RERE: variants seen among roughly 807,000 people sequenced by gnomAD.
RERE encodes the protein arginine-glutamic acid dipeptide repeats.
In RERE, 40 loss-of-function variants were observed where a neutral mutation model predicts 146.1. The observed-to-expected ratio is 0.27, with a 90% CI of 0.21 to 0.36. RERE has a LOEUF of 0.36. RERE is among the 10% of genes least tolerant of loss of function. The pLI is 1.00. For missense variants in RERE, 1,933 were observed against 2,138.7 expected (o/e 0.90, Z 1.90); for synonymous variants, 1,003 against 866.0 (o/e 1.16, Z -2.78).
intron 11 of RERE, among the ~76,000 whole-genome samples, chr1:8,459,363 A>G (rs918322337): frequency 6.6e-6 from 1 of 152,188 alleles, no homozygotes; most frequent in African/African-American, 2.4e-5. Context: ...ATACAAATTT[A>G]GTTCTTCATA....
At chr1:8,665,549 A>T (rs759727662) in intron 1 of RERE, among the ~76,000 whole-genome samples, 1 of 152,240 alleles carries the variant, frequency 6.6e-6, no homozygotes, top group Non-Finnish European at 1.5e-5. Context: ...TTGGTTCATA[A>T]ACCATGAGTA....
intron 1 of RERE, among the ~76,000 whole-genome samples, chr1:8,721,625 A>C (rs1639865491): frequency 6.6e-6 from 1 of 152,110 alleles, no homozygotes; most frequent in Admixed American, 6.6e-5. Context: ...GAGATTCTTA[A>C]AACCTCTTCT....
At chr1:8,421,591 C>T (rs1643910612) in intron 12 of RERE, among the ~76,000 whole-genome samples, 1 of 152,088 alleles carries the variant, frequency 6.6e-6, no homozygotes, top group African/African-American at 2.4e-5. Flanking sequence ...CTTGAAATCA[C>T]AAAACCCTTC....
In RERE at chr1:8,493,928, C is replaced by A. The variant is rs115501909; in HGVS notation, c.1104+1135G>T. Reference sequence around the variant, plus strand: ...GATAGAGAGGAATTATTTCATGTAACTTTAAAATACATTAATATTCCTATA... The same window carrying A: ...GATAGAGAGGAATTATTTCATGTAAATTTAAAATACATTAATATTCCTATA... On this transcript the variant is annotated intron_variant, in intron 10 of 22. Coordinates refer to ENST00000400908, the MANE Select transcript of RERE (RefSeq NM_001042681.2). Among the ~76,000 whole-genome samples the A allele has an allele frequency of 4.9e-3, 741 of 152,214 alleles. 7 individuals carry two copies. The highest frequency in any genetic ancestry group is 0.017 in the African/African-American group (708 of 41,536).
chr1:8,564,826 A>ATATGTATG (rs1384858524), intron 4 of RERE, among the ~76,000 whole-genome samples: 29 of 117,932 alleles, frequency 2.5e-4, no homozygotes, highest in African/African-American at 8.7e-4. Context: ...GTGTGTGTAT[A>ATATGTATG]TGTGTATGTG....
At chr1:8,579,659 G>A (rs1440253023) in intron 4 of RERE, among the ~76,000 whole-genome samples, 1 of 152,188 alleles carries the variant, frequency 6.6e-6, no homozygotes, top group African/African-American at 2.4e-5. Context: ...TAGAACAATG[G>A]TTCTTAACTT....
intron 1 of RERE, among the ~76,000 whole-genome samples, chr1:8,807,209 G>A (rs940178331): frequency 6.6e-6 from 1 of 151,948 alleles, no homozygotes; most frequent in Non-Finnish European, 1.5e-5. Flanking sequence ...GTGCTACCAC[G>A]CCTGGCTAAT....
chr1:8,406,090 C>T (rs561295926), intron 12 of RERE, among the ~76,000 whole-genome samples: 70 of 151,928 alleles, frequency 4.6e-4, no homozygotes, highest in African/African-American at 1.6e-3. Context: ...GTGAGTCAAT[C>T]CACCAGATTA....
intron 2 of RERE, among the ~76,000 whole-genome samples, chr1:8,641,769 A>G (rs1478682507): frequency 2.6e-5 from 4 of 152,212 alleles, no homozygotes; most frequent in South Asian, 4.1e-4. Flanking sequence ...GAAAATATTC[A>G]TGATTTACCC....
At chr1:8,368,461 G>T (rs1286691919) in intron 12 of RERE, among the ~76,000 whole-genome samples, 1 of 146,798 alleles carries the variant, frequency 6.8e-6, no homozygotes, top group Admixed American at 6.9e-5. Context: ...GCGACAGAGT[G>T]AGACTCTGTC....
chr1:8,585,146 CAAA>C (rs3082123), intron 4 of RERE, among the ~76,000 whole-genome samples: 1 of 130,112 alleles, frequency 7.7e-6, no homozygotes, highest in Admixed American at 7.8e-5. Flanking sequence ...GACTCCATCT[CAAA>C]AAAAAAAAAA....
Position 8,389,503 on chromosome 1 carries a change from C to T in RERE, c.1285-23529G>A, listed in dbSNP as rs528569377. Among the ~76,000 whole-genome samples the T allele has an allele frequency of 1.1e-4, 16 of 152,278 alleles. No homozygotes were observed. The East Asian group carries it at 2.5e-3, about 24-fold the overall frequency. ...CCCTACTTTAGGGAATCCCAGCAGG[C>T]GCACCCTAGCACGAAAAGCCAAGGT... On this transcript the variant is annotated intron_variant, in intron 12 of 22. Coordinates refer to ENST00000400908, the MANE Select transcript of RERE (RefSeq NM_001042681.2).
rs368082065 is a variant in RERE, at chr1:8,359,772, G to A, written c.3610C>T (p.Arg1204Trp). Reference protein sequence around the residue: ...REREREREAERAAKASSSAHE... With the variant: ...REREREREAEWAAKASSSAHE... ...GCCAACCCTGGACTCACAGCCGCCCGCTCTGCCTCGCGCTCCCGCTCTCGC... is the reference window on the plus strand; with the variant it reads ...GCCAACCCTGGACTCACAGCCGCCCACTCTGCCTCGCGCTCCCGCTCTCGC... Residue 1204 changes from arginine to tryptophan, a missense_variant, in exon 19 of 23, where the codon CGG becomes TGG. By Grantham distance (101) the Arg-to-Trp change is moderately radical (BLOSUM62 -3). Transcript: ENST00000400908. The A allele has an allele frequency of 2.4e-5, 38 of 1,600,280 alleles. No homozygotes were observed. The highest frequency in any genetic ancestry group is 4.0e-5 in the African/African-American group (3 of 74,834).
chr1:8,648,227 G>T (rs1647420070), intron 2 of RERE, among the ~76,000 whole-genome samples: 1 of 152,132 alleles, frequency 6.6e-6, no homozygotes, highest in African/African-American at 2.4e-5. Flanking sequence ...CATGTTTCAT[G>T]TTGAAATCAT....
At chr1:8,576,781 G>A (rs1388849041) in intron 4 of RERE, among the ~76,000 whole-genome samples, 1 of 152,234 alleles carries the variant, frequency 6.6e-6, no homozygotes, top group African/African-American at 2.4e-5. Flanking sequence ...ACATAAGCTG[G>A]CACAATTGTG....
At chr1:8,786,187 G>T in intron 1 of RERE, 2 of 679,560 alleles carry the variant, frequency 2.9e-6, no homozygotes, top group Non-Finnish European at 5.2e-6. Context: ...AAATAATTGT[G>T]GTAAACACCT....
intron 6 of RERE, among the ~76,000 whole-genome samples, chr1:8,551,710 C>A (rs534543127): frequency 6.6e-6 from 1 of 152,182 alleles, no homozygotes; most frequent in Non-Finnish European, 1.5e-5. Flanking sequence ...CCTTACCATA[C>A]TGGATGTGGA....
intron 4 of RERE, among the ~76,000 whole-genome samples, chr1:8,601,626 C>CA (rs1646627138): frequency 2.1e-5 from 2 of 94,914 alleles, no homozygotes; most frequent in Non-Finnish European, 4.0e-5. Context: ...TCCAAGGTCA[C>CA]CACACACACA....
chr1:8,660,581 TCA>T (rs1638433146), intron 1 of RERE, among the ~76,000 whole-genome samples: 1 of 152,194 alleles, frequency 6.6e-6, no homozygotes, highest in African/African-American at 2.4e-5. Context: ...TGCAGCTGTC[TCA>T]GAGCTCAACC....
Sources: gnomAD v4.1 joint callset for allele counts (sites outside exome capture counted in the v4.1 genomes callset) on GRCh38, gnomAD v4.1.1 for gene constraint, MANE v1.5 for transcripts, NCBI Gene and HGNC (gene_info 2026-07-23, HGNC 2026-07-21) for gene names.